Variants in SORCS2 observed in about 807,000 individuals in gnomAD.
The protein encoded by SORCS2 is sortilin related VPS10 domain containing receptor 2, also known as VPS10 domain-containing receptor SorCS2.
Under a neutral mutation model 141.6 loss-of-function variants are expected in SORCS2, and 100 were observed. The ratio of observed to expected loss-of-function variants is 0.71; its 90% CI spans 0.60 to 0.83. The LOEUF is 0.83. Among genes scored for constraint, SORCS2 ranks in the 40% least tolerant of loss-of-function variants. SORCS2 has a pLI of 0.00. For synonymous variants in SORCS2, 789 were observed against 676.9 expected, an observed-to-expected ratio of 1.17 and a Z score of -2.57; for missense variants, 1,646 against 1,560.2, an observed-to-expected ratio of 1.05 and a Z score of -0.93.
chr4:7,547,671 A>C (rs567327621), intron 3 of SORCS2, among the ~76,000 whole-genome samples: 1 of 152,112 alleles, frequency 6.6e-6, no homozygotes, highest in East Asian at 1.9e-4. Flanking sequence ...TCCCAACCCC[A>C]GATCAGCTCA....
intron 3 of SORCS2, among the ~76,000 whole-genome samples, chr4:7,567,304 C>T (rs1369554035): frequency 1.3e-5 from 2 of 152,080 alleles, no homozygotes; most frequent in East Asian, 1.9e-4. Context: ...ATGCCTTCAT[C>T]GATCTCAGGA....
intron 15 of SORCS2, among the ~76,000 whole-genome samples, chr4:7,713,744 G>T (rs1263285700): frequency 6.6e-6 from 1 of 152,216 alleles, no homozygotes; most frequent in Non-Finnish European, 1.5e-5. Flanking sequence ...TCACAAGGAA[G>T]TGCTCAGATG....
intron 1 of SORCS2, among the ~76,000 whole-genome samples, chr4:7,316,626 C>T (rs1356983196): frequency 2.0e-5 from 3 of 152,190 alleles, no homozygotes; most frequent in Admixed American, 1.3e-4. Context: ...AAGTGCTTGG[C>T]TTAGAAAATG....
intron 9 of SORCS2, among the ~76,000 whole-genome samples, chr4:7,678,966 G>A (rs1723337857): frequency 6.6e-6 from 1 of 152,178 alleles, no homozygotes; most frequent in Non-Finnish European, 1.5e-5. Context: ...TATTAAACAG[G>A]CAGAGCAGCG....
chr4:7,312,354 A>G (rs555480890), intron 1 of SORCS2, among the ~76,000 whole-genome samples: 5 of 152,322 alleles, frequency 3.3e-5, no homozygotes, highest in East Asian at 3.9e-4. Flanking sequence ...ACTCCGGTCT[A>G]TTGATCTTGT....
At chr4:7,342,567 C>T (rs180755062) in intron 1 of SORCS2, among the ~76,000 whole-genome samples, 27 of 152,120 alleles carry the variant, frequency 1.8e-4, no homozygotes, top group South Asian at 4.2e-4. Flanking sequence ...CTTGGAGGTG[C>T]GGCGTGAAAG....
chr4:7,531,508 G>C, intron 2 of SORCS2, 22 bp from the exon 3 acceptor site: 1 of 1,610,138 alleles, frequency 6.2e-7, no homozygotes, highest in Non-Finnish European at 8.5e-7. Context: ...CATGGCTGAC[G>C]GCTGTCCCCC....
intron 1 of SORCS2, among the ~76,000 whole-genome samples, chr4:7,352,518 A>G (rs150784648): frequency 2.7e-4 from 41 of 152,262 alleles, no homozygotes; most frequent in African/African-American, 8.9e-4. Flanking sequence ...GTGTTGCAGG[A>G]GGTCTTTCTT....
chr4:7,399,754 C>G (rs13151988), intron 2 of SORCS2, among the ~76,000 whole-genome samples: 1 of 152,000 alleles, frequency 6.6e-6, no homozygotes, highest in African/African-American at 2.4e-5. Context: ...GTGTAGACTG[C>G]GGGGTCTCAC....
chr4:7,447,056 C>T (rs2109276129), intron 2 of SORCS2, among the ~76,000 whole-genome samples: 1 of 152,338 alleles, frequency 6.6e-6, no homozygotes. Flanking sequence ...AGCCATGTCA[C>T]CTTTACTGAC....
At chr4:7,542,839 G>C (rs929850213) in intron 3 of SORCS2, among the ~76,000 whole-genome samples, 10 of 152,260 alleles carry the variant, frequency 6.6e-5, no homozygotes, top group African/African-American at 2.4e-4. Flanking sequence ...TGGGGATCCA[G>C]GTTCCCACCT....
chr4:7,434,209 C>T, intron 2 of SORCS2: 2 of 1,613,748 alleles, frequency 1.2e-6, no homozygotes, highest in South Asian at 1.1e-5. Flanking sequence ...GTAGTTCTTG[C>T]AGAGGACGGC....
chr4:7,689,944 TG>T lies in SORCS2; in HGVS notation c.1591+358del, dbSNP rs1577077567. Among the ~76,000 whole-genome samples, 7 of 151,984 alleles carry T rather than the reference TG, an allele frequency of 4.6e-5. 2 individuals are homozygous for T. On this transcript the variant is annotated intron_variant, in intron 11 of 26. Coordinates refer to ENST00000507866, the MANE Select transcript of SORCS2 (RefSeq NM_020777.3). The stretch of plus-strand genomic sequence containing the variant: ...AGATGGTGAATGGATGGATGGAGGA[TG>T]GACAGATCAATGGATGGATGATGGA...
chr4:7,660,244 C>CG (rs1490728804), intron 5 of SORCS2, among the ~76,000 whole-genome samples: 1 of 152,180 alleles, frequency 6.6e-6, no homozygotes, highest in African/African-American at 2.4e-5. Flanking sequence ...GGCAATGAAA[C>CG]GGGGAGGGGA....
intron 1 of SORCS2, among the ~76,000 whole-genome samples, chr4:7,387,555 A>ATACACG (rs1723475692): frequency 1.4e-5 from 1 of 73,634 alleles, no homozygotes; most frequent in African/African-American, 4.5e-5. Flanking sequence ...GCACATACAC[A>ATACACG]TATGTACACA....
At chr4:7,612,155 G>A (rs941229631) in intron 3 of SORCS2, among the ~76,000 whole-genome samples, 1 of 152,218 alleles carries the variant, frequency 6.6e-6, no homozygotes, top group Non-Finnish European at 1.5e-5. Flanking sequence ...GAAGGCTGGG[G>A]AGGTAAAACT....
At chr4:7,439,917 A>G (rs1293390814) in intron 2 of SORCS2, among the ~76,000 whole-genome samples, 2 of 152,082 alleles carry the variant, frequency 1.3e-5, no homozygotes, top group Non-Finnish European at 2.9e-5. Context: ...GCAGGTGGGT[A>G]TGTGCTGAGC....
At chr4:7,273,558 C>T (rs566903789) in intron 1 of SORCS2, among the ~76,000 whole-genome samples, 12 of 152,244 alleles carry the variant, frequency 7.9e-5, no homozygotes, top group African/African-American at 2.2e-4. Flanking sequence ...TGGGGGTGGA[C>T]GTCCAGGGGT....
chr4:7,701,237 G>A (rs996357234), intron 12 of SORCS2, among the ~76,000 whole-genome samples: 1 of 146,676 alleles, frequency 6.8e-6, no homozygotes, highest in Non-Finnish European at 1.5e-5. Flanking sequence ...GGGAGAGAGA[G>A]AAAAAAGGAG....
Sources: gnomAD v4.1 joint callset for allele counts (sites outside exome capture counted in the v4.1 genomes callset) on GRCh38, gnomAD v4.1.1 for gene constraint, MANE v1.5 for transcripts, NCBI Gene and HGNC (gene_info 2026-07-23, HGNC 2026-07-21) for gene names.